Variants in DLGAP5 observed in about 807,000 individuals in gnomAD.
DLGAP5 encodes DLG associated protein 5, also known as disks large-associated protein 5.
DLGAP5 carries 90 observed loss-of-function variants against 99.6 expected under a neutral mutation model. The ratio of observed to expected loss-of-function variants is 0.90; its 90% CI spans 0.76 to 1.08. The LOEUF (loss-of-function observed/expected upper bound fraction) is 1.08. DLGAP5 is among the 50% of genes least tolerant of loss of function. DLGAP5 has a pLI of 0.00. For synonymous variants in DLGAP5, 311 were observed against 321.3 expected (o/e 0.97, Z 0.34); for missense variants, 1,036 against 983.5 (o/e 1.05, Z -0.71).
Position 55,169,425 on chromosome 14 carries a change from C to T in DLGAP5, c.1522G>A (p.Gly508Arg), listed in dbSNP as rs149258602. Residue 508 changes from glycine to arginine, a missense_variant, in exon 12 of 19, where the codon GGA becomes AGA. Physicochemically the swap from Gly to Arg is moderately radical, Grantham distance 125. Transcript: ENST00000247191. ...TGAAAACTAACCATATCCCAAAATC[C>T]ATCCAGATCTGTACAGGTAGTCTCC... ...IKETTCTDLD[G>R]FWDMVSFQIE... The T allele has an allele frequency of 6.5e-7, 1 of 1,549,742 alleles. No homozygotes were observed. The highest frequency in any genetic ancestry group is 1.3e-5 in the South Asian group (1 of 79,118).
intron 17 of DLGAP5, 22 bp from the exon 18 acceptor site, chr14:55,150,870 CTT>C: frequency 6.9e-7 from 1 of 1,459,382 alleles, no homozygotes; most frequent in Non-Finnish European, 9.3e-7. Flanking sequence ...CAAAAAAAAA[CTT>C]TTTAAAGAAT....
intron 13 of DLGAP5, among the ~76,000 whole-genome samples, chr14:55,161,774 T>TGAGGCAGGAGAATCACTTGAACTCAG (rs1432133352): frequency 1.4e-5 from 2 of 142,136 alleles, no homozygotes; most frequent in Non-Finnish European, 3.0e-5. Context: ...CTTTGGAGGC[T>TGAGGCAGGAGAATCACTTGAACTCAG]GAGGCAGGAG....
At chr14:55,188,175 G>C (rs1421049178) in intron 2 of DLGAP5, among the ~76,000 whole-genome samples, 4 of 152,148 alleles carry the variant, frequency 2.6e-5, no homozygotes, top group Non-Finnish European at 5.9e-5. Flanking sequence ...ATGCCATCTA[G>C]CTCCTAACGC....
intron 12 of DLGAP5, among the ~76,000 whole-genome samples, chr14:55,166,807 GATTGA>G (rs1339458334): frequency 2.0e-5 from 3 of 151,244 alleles, no homozygotes; most frequent in Non-Finnish European, 2.9e-5. Context: ...TACTAAAAAT[GATTGA>G]ACTGTACATT....
chr14:55,190,989 C>CA (rs768042682), intron 1 of DLGAP5: 1 of 152,212 alleles, frequency 6.6e-6, no homozygotes, highest in South Asian at 2.1e-4. Context: ...CAGATGAGGT[C>CA]AATTAACTGC....
intron 14 of DLGAP5, among the ~76,000 whole-genome samples, chr14:55,158,088 T>C (rs1041079826): frequency 2.6e-5 from 4 of 152,242 alleles, no homozygotes; most frequent in African/African-American, 9.6e-5. Context: ...AAAGCACAGC[T>C]AGACAAGTGT....
At chr14:55,150,584 A>G (rs28405981) in intron 18 of DLGAP5, 14,406 of 319,714 alleles carry the variant, frequency 0.045, 1,111 homozygotes, top group African/African-American at 0.19. Flanking sequence ...GAAAAACCAT[A>G]TAGAAAAACA....
intron 13 of DLGAP5, 51 bp downstream of exon 13, chr14:55,162,918 AAC>A (rs1027542533): frequency 2.2e-6 from 2 of 910,482 alleles, no homozygotes; most frequent in African/African-American, 3.4e-5. Flanking sequence ...ATGTATGTAT[AAC>A]AGTTCCTTAA....
At chr14:55,160,917 C>T (rs1230035946) in intron 13 of DLGAP5, among the ~76,000 whole-genome samples, 3 of 151,900 alleles carry the variant, frequency 2.0e-5, no homozygotes, top group African/African-American at 7.3e-5. Flanking sequence ...TTGTCAGTGA[C>T]TGGATAGAAA....
intron 10 of DLGAP5, among the ~76,000 whole-genome samples, chr14:55,173,300 C>T (rs1040824238): frequency 7.1e-5 from 10 of 141,212 alleles, no homozygotes; most frequent in African/African-American, 2.1e-4. Context: ...AAAAAAAAAA[C>T]ACACACACAC....
intron 2 of DLGAP5, among the ~76,000 whole-genome samples, chr14:55,185,447 C>T (rs1883401137): frequency 6.6e-6 from 1 of 152,222 alleles, no homozygotes; most frequent in Admixed American, 6.5e-5. Context: ...GATTCACCCA[C>T]CTCGGCCTCC....
intron 2 of DLGAP5, 64 bp from the exon 3 acceptor site, chr14:55,183,817 A>C: frequency 7.2e-7 from 1 of 1,381,196 alleles, no homozygotes; most frequent in Non-Finnish European, 9.5e-7. Flanking sequence ...AGTTATGCAA[A>C]TGTATAAACA....
chr14:55,179,357 A>G (rs1339347937), intron 7 of DLGAP5, among the ~76,000 whole-genome samples: 1 of 152,230 alleles, frequency 6.6e-6, no homozygotes, highest in Non-Finnish European at 1.5e-5. Context: ...GTCTTGGCTA[A>G]TTCCCACATA....
At chr14:55,190,927 G>A (rs1883594617) in intron 1 of DLGAP5, 1 of 152,204 alleles carries the variant, frequency 6.6e-6, no homozygotes, top group Admixed American at 6.5e-5. Flanking sequence ...AACATTAAAG[G>A]TACAATTATC....
Position 55,169,411 on chromosome 14 carries a change from C to A in DLGAP5, c.1536G>T (p.Met512Ile). ...TCTDLDGFWD[M>I]VSFQIEDVIH... Reference sequence around the variant, plus strand: ...TTGAACCACATACCTGAAAACTAACCATATCCCAAAATCCATCCAGATCTG... The same window carrying A: ...TTGAACCACATACCTGAAAACTAACAATATCCCAAAATCCATCCAGATCTG... The change falls in exon 12 of 19, where the codon ATG becomes ATT. Residue 512 changes from methionine to isoleucine, a missense_variant. Met to Ile is a conservative substitution (Grantham distance 10). Coordinates refer to ENST00000247191, the MANE Select transcript of DLGAP5 (RefSeq NM_014750.5). 2 of 1,527,908 alleles carry A rather than the reference C, an allele frequency of 1.3e-6. No individual in the cohort carries two copies. Among genetic ancestry groups the A allele is most frequent in the Non-Finnish European group, 1.7e-6 (2 of 1,143,266 alleles). 94.6% of individuals were successfully genotyped at this position (1,527,908 alleles called of 1,614,324 possible).
chr14:55,175,822 T>A, intron 9 of DLGAP5, 72 bp downstream of exon 9: 1 of 1,322,702 alleles, frequency 7.6e-7, no homozygotes, highest in Non-Finnish European at 1.0e-6. Context: ...ATGTAATTAC[T>A]ATACCTGAAA....
At chr14:55,182,997 TCTTC>T (rs1377095137) in intron 3 of DLGAP5, among the ~76,000 whole-genome samples, 1 of 152,162 alleles carries the variant, frequency 6.6e-6, no homozygotes, top group Non-Finnish European at 1.5e-5. Context: ...TTGTTCCTTA[TCTTC>T]CTTATCTCTT....
chr14:55,162,851 C>G, intron 13 of DLGAP5, 120 bp downstream of exon 13: 1 of 478,708 alleles, frequency 2.1e-6, no homozygotes, highest in Non-Finnish European at 3.6e-6. Context: ...AAATCTAAAC[C>G]TAAATGTTTT....
intron 13 of DLGAP5, among the ~76,000 whole-genome samples, chr14:55,162,255 C>T (rs892731163): frequency 6.6e-6 from 1 of 152,152 alleles, no homozygotes; most frequent in Non-Finnish European, 1.5e-5. Flanking sequence ...ATATTTGACA[C>T]ATACTAAGCA....
Sources: allele counts gnomAD v4.1 joint callset (sites outside exome capture counted in the v4.1 genomes callset), GRCh38; gene constraint gnomAD v4.1.1; transcripts MANE v1.5; gene names NCBI Gene and HGNC (gene_info 2026-07-23, HGNC 2026-07-21).